The following HDAC9 variants were observed in gnomAD, a reference collection of about 807,000 sequenced individuals.
HDAC9 encodes the protein histone deacetylase 9.
Under a neutral mutation model 139.4 loss-of-function variants are expected in HDAC9, and 41 were observed. The ratio of observed to expected loss-of-function variants is 0.29; its 90% CI spans 0.23 to 0.38. The LOEUF (loss-of-function observed/expected upper bound fraction) is 0.38. Among genes scored for constraint, HDAC9 ranks in the 10% least tolerant of loss-of-function variants. The pLI is 1.00. For synonymous variants in HDAC9, 517 were observed against 476.2 expected, an observed-to-expected ratio of 1.09 and a Z score of -1.12; for missense variants, 1,147 against 1,297.0, an observed-to-expected ratio of 0.88 and a Z score of 1.78.
chr7:18,608,084 C>T (rs1737869003), intron 6 of HDAC9, among the ~76,000 whole-genome samples: 1 of 152,100 alleles, frequency 6.6e-6, no homozygotes, highest in Admixed American at 6.5e-5. Flanking sequence ...ATAGTATTCA[C>T]AACTATAGAA....
chr7:18,718,559 C>T (rs534684927), intron 12 of HDAC9, among the ~76,000 whole-genome samples: 12 of 152,232 alleles, frequency 7.9e-5, no homozygotes, highest in African/African-American at 2.4e-4. Context: ...TGACTATTCT[C>T]TCATGTTTTC....
intron 1 of HDAC9, among the ~76,000 whole-genome samples, chr7:18,145,908 G>A (rs1366408848): frequency 6.6e-6 from 1 of 152,100 alleles, no homozygotes; most frequent in African/African-American, 2.4e-5. Context: ...CCCGAGAGGA[G>A]CAAATTTAGG....
chr7:18,653,821 T>A (rs915695459), intron 11 of HDAC9, among the ~76,000 whole-genome samples: 2 of 152,152 alleles, frequency 1.3e-5, no homozygotes, highest in African/African-American at 4.8e-5. Context: ...TTGAGTAGTA[T>A]CTGTATTATT....
At chr7:18,771,951 A>G (rs1354118215) in intron 16 of HDAC9, among the ~76,000 whole-genome samples, 2 of 152,156 alleles carry the variant, frequency 1.3e-5, no homozygotes, top group East Asian at 1.9e-4. Context: ...GAAGAATAAG[A>G]TAAGGCTTGT....
At chr7:18,097,698 G>T (rs1782599183) in intron 1 of HDAC9, among the ~76,000 whole-genome samples, 1 of 152,044 alleles carries the variant, frequency 6.6e-6, no homozygotes, top group Admixed American at 6.6e-5. Flanking sequence ...TTCCCAAGGA[G>T]CTGGGACTAC....
chr7:19,000,767 CAA>C lies in HDAC9; in HGVS notation c.*4707_*4708del, dbSNP rs1266151587. 1 of 152,150 alleles carries C rather than the reference CAA, an allele frequency of 6.6e-6. No homozygotes were observed. The highest frequency in any genetic ancestry group is 1.5e-5 in the Non-Finnish European group (1 of 68,004). The allele number at this position is 152,150 out of a possible 1,614,324, so 9.4% of individuals were successfully genotyped here. ...AATCTGGTGTAAACTTACAATCTAA[CAA>C]ATAATTTTCTTTCAACTCTTCTCTT... is the stretch of plus-strand genomic sequence containing the variant. On this transcript the variant is annotated 3_prime_UTR_variant, in exon 26 of 26. Coordinates refer to ENST00000686413, the MANE Select transcript of HDAC9 (RefSeq NM_178425.4).
intron 1 of HDAC9, among the ~76,000 whole-genome samples, chr7:18,364,622 C>T (rs1784037003): frequency 6.6e-6 from 1 of 151,994 alleles, no homozygotes; most frequent in Non-Finnish European, 1.5e-5. Context: ...TCTCAGGCCC[C>T]CAAAGCCCCA....
At chr7:18,757,306 T>C (rs1443344247) in intron 14 of HDAC9, among the ~76,000 whole-genome samples, 4 of 152,100 alleles carry the variant, frequency 2.6e-5, no homozygotes, top group African/African-American at 9.7e-5. Context: ...TTTCAGAAAA[T>C]GGGATATTTC....
At chr7:18,233,636 A>G (rs1328504282) in intron 2 of HDAC9, among the ~76,000 whole-genome samples, 1 of 152,170 alleles carries the variant, frequency 6.6e-6, no homozygotes, top group Admixed American at 6.5e-5. Flanking sequence ...TGACTAAAGT[A>G]AAATTGCTTT....
intron 1 of HDAC9, among the ~76,000 whole-genome samples, chr7:18,348,901 T>G (rs1181271658): frequency 6.6e-6 from 1 of 152,190 alleles, no homozygotes; most frequent in African/African-American, 2.4e-5. Context: ...GTATTATGAC[T>G]ATTTAAATGG....
chr7:18,451,421 G>A (rs547757506), intron 1 of HDAC9, among the ~76,000 whole-genome samples: 65 of 148,338 alleles, frequency 4.4e-4, no homozygotes, highest in African/African-American at 1.2e-3. Flanking sequence ...GTGTGTGTGT[G>A]TATATATATG....
intron 1 of HDAC9, among the ~76,000 whole-genome samples, chr7:18,120,906 C>T (rs1784329515): frequency 6.6e-6 from 1 of 152,070 alleles, no homozygotes; most frequent in African/African-American, 2.4e-5. Flanking sequence ...TTTGTGGGTT[C>T]TTAAGGATGA....
intron 1 of HDAC9, among the ~76,000 whole-genome samples, chr7:18,467,120 A>G (rs1041786407): frequency 1.3e-5 from 2 of 152,212 alleles, no homozygotes; most frequent in African/African-American, 4.8e-5. Flanking sequence ...ACAGTCAAAT[A>G]AACTTTAATA....
intron 1 of HDAC9, among the ~76,000 whole-genome samples, chr7:18,310,565 A>G (rs1031860532): frequency 2.0e-5 from 3 of 152,030 alleles, no homozygotes; most frequent in African/African-American, 7.3e-5. Flanking sequence ...TTATGCATAC[A>G]CTCACGTTTA....
chr7:18,111,123 C>T (rs2128083165), intron 1 of HDAC9, among the ~76,000 whole-genome samples: 1 of 152,258 alleles, frequency 6.6e-6, no homozygotes, highest in Non-Finnish European at 1.5e-5. Context: ...TCAGAATGTT[C>T]CATGTGCCTG....
At chr7:18,512,991 G>C (rs1316981661) in intron 2 of HDAC9, among the ~76,000 whole-genome samples, 1 of 152,174 alleles carries the variant, frequency 6.6e-6, no homozygotes, top group Non-Finnish European at 1.5e-5. Context: ...GTAGCTTTGT[G>C]TATGACAGAG....
At chr7:18,267,277 C>G (rs1796063038) in intron 2 of HDAC9, among the ~76,000 whole-genome samples, 1 of 152,032 alleles carries the variant, frequency 6.6e-6, no homozygotes, top group Non-Finnish European at 1.5e-5. Flanking sequence ...CATTATCTTT[C>G]ATACTACTTT....
At chr7:18,825,061 A>G (rs1399966342) in intron 17 of HDAC9, among the ~76,000 whole-genome samples, 1 of 152,240 alleles carries the variant, frequency 6.6e-6, no homozygotes, top group Admixed American at 6.5e-5. Context: ...GAAGGCTGGC[A>G]GAAGGCCAGA....
At chr7:18,410,992 A>C (rs1003210809) in intron 1 of HDAC9, among the ~76,000 whole-genome samples, 1 of 152,226 alleles carries the variant, frequency 6.6e-6, no homozygotes, top group Non-Finnish European at 1.5e-5. Context: ...ATCAAAGCCT[A>C]GTTTTGGAAA....
Sources: gnomAD v4.1 joint callset for allele counts (sites outside exome capture counted in the v4.1 genomes callset) on GRCh38, gnomAD v4.1.1 for gene constraint, MANE v1.5 for transcripts, NCBI Gene and HGNC (gene_info 2026-07-23, HGNC 2026-07-21) for gene names.